Variants in EXOC4 observed in about 807,000 individuals in gnomAD.
The protein encoded by EXOC4 is exocyst complex component 4.
Under a neutral mutation model 107.2 loss-of-function variants are expected in EXOC4, and 71 were observed. The observed-to-expected ratio is 0.66, with a 90% CI of 0.55 to 0.81. EXOC4 has a LOEUF of 0.81. EXOC4 is among the 30% of genes least tolerant of loss of function. EXOC4 has a pLI of 0.00. For synonymous variants in EXOC4, 456 were observed against 441.2 expected (o/e 1.03, Z -0.42); for missense variants, 1,108 against 1,189.6 (o/e 0.93, Z 1.01).
At chr7:133,454,065 A>T (rs1798409294) in intron 7 of EXOC4, among the ~76,000 whole-genome samples, 1 of 152,184 alleles carries the variant, frequency 6.6e-6, no homozygotes, top group African/African-American at 2.4e-5. Flanking sequence ...AAATTCTGTG[A>T]TTCAGATTGC....
intron 10 of EXOC4, among the ~76,000 whole-genome samples, chr7:133,731,358 T>C (rs558945751): frequency 6.6e-6 from 1 of 152,288 alleles, no homozygotes; most frequent in South Asian, 2.1e-4. Flanking sequence ...TTTTATTGCT[T>C]GCTTTCTTTT....
chr7:133,923,279 C>T (rs542048404), intron 13 of EXOC4, among the ~76,000 whole-genome samples: 13 of 152,162 alleles, frequency 8.5e-5, no homozygotes, highest in African/African-American at 3.1e-4. Context: ...CAGGCACCCA[C>T]CACAACGCCT....
chr7:133,277,086 C>T (rs527521835), intron 2 of EXOC4, among the ~76,000 whole-genome samples: 4 of 152,184 alleles, frequency 2.6e-5, no homozygotes, highest in South Asian at 4.1e-4. Flanking sequence ...CTCAGCCTCC[C>T]GAGTAGCTGG....
chr7:133,734,037 G>A (rs955178662), intron 10 of EXOC4, among the ~76,000 whole-genome samples: 1 of 152,194 alleles, frequency 6.6e-6, no homozygotes, highest in Non-Finnish European at 1.5e-5. Flanking sequence ...TTGACATTCT[G>A]TCACTGCTCA....
intron 10 of EXOC4, among the ~76,000 whole-genome samples, chr7:133,809,100 A>G (rs537576494): frequency 7.2e-5 from 11 of 152,302 alleles, no homozygotes; most frequent in African/African-American, 2.4e-4. Context: ...TAACTCATGT[A>G]TCATTCATGC....
chr7:133,686,298 C>A (rs78906798), intron 10 of EXOC4, among the ~76,000 whole-genome samples: 1 of 152,082 alleles, frequency 6.6e-6, no homozygotes. Context: ...GAAAATGGAT[C>A]GAAACATATT....
intron 13 of EXOC4, among the ~76,000 whole-genome samples, chr7:133,933,159 CAGAT>C (rs1204383025): frequency 6.6e-6 from 1 of 151,784 alleles, no homozygotes; most frequent in East Asian, 1.9e-4. Context: ...GAATTCTTGT[CAGAT>C]AGACCTTTTT....
chr7:133,731,907 G>C (rs895265658), intron 10 of EXOC4, among the ~76,000 whole-genome samples: 13 of 152,148 alleles, frequency 8.5e-5, no homozygotes, highest in Admixed American at 6.5e-5. Context: ...CCTAGAACAA[G>C]AAATACCATT....
At chr7:133,649,781 G>A (rs1803094295) in intron 10 of EXOC4, among the ~76,000 whole-genome samples, 1 of 152,138 alleles carries the variant, frequency 6.6e-6, no homozygotes, top group African/African-American at 2.4e-5. Context: ...TGGTTATTTA[G>A]AGGGAGAGGG....
intron 9 of EXOC4, among the ~76,000 whole-genome samples, chr7:133,547,862 T>G (rs374116669): frequency 3.9e-5 from 6 of 152,176 alleles, no homozygotes; most frequent in Non-Finnish European, 7.3e-5. Context: ...TGGAACCAAC[T>G]TCCAAACTCC....
chr7:133,378,585 A>C (rs1796544683), intron 7 of EXOC4, among the ~76,000 whole-genome samples: 1 of 152,162 alleles, frequency 6.6e-6, no homozygotes, highest in Admixed American at 6.6e-5. Flanking sequence ...GGTAAATGAT[A>C]CTATGCTGTT....
chr7:133,503,020 G>GTT (rs1799602810), intron 9 of EXOC4, among the ~76,000 whole-genome samples: 1 of 152,124 alleles, frequency 6.6e-6, no homozygotes, highest in Non-Finnish European at 1.5e-5. Context: ...TATAAATAGT[G>GTT]TAAGACTAGT....
At chr7:133,966,434 C>T (rs1274823583) in intron 14 of EXOC4, among the ~76,000 whole-genome samples, 2 of 152,118 alleles carry the variant, frequency 1.3e-5, no homozygotes, top group African/African-American at 2.4e-5. Flanking sequence ...CCAGCTTTTG[C>T]CTATTCAATA....
At chr7:134,041,526 T>C (rs1421312046) in intron 17 of EXOC4, among the ~76,000 whole-genome samples, 2 of 152,188 alleles carry the variant, frequency 1.3e-5, no homozygotes, top group African/African-American at 4.8e-5. Flanking sequence ...ATTTAATTTT[T>C]TATATAAAAT....
chr7:133,470,047 T>A (rs1277012731), intron 7 of EXOC4, among the ~76,000 whole-genome samples: 1 of 152,116 alleles, frequency 6.6e-6, no homozygotes. Context: ...GCTACCAGAG[T>A]CCACTATGTG....
chr7:133,381,725 A>G (rs1796623142), intron 7 of EXOC4, among the ~76,000 whole-genome samples: 1 of 152,152 alleles, frequency 6.6e-6, no homozygotes, highest in African/African-American at 2.4e-5. Context: ...TGACTTATCT[A>G]GGGATTGATT....
intron 7 of EXOC4, among the ~76,000 whole-genome samples, chr7:133,408,133 G>A (rs1797265926): frequency 6.6e-6 from 1 of 151,974 alleles, no homozygotes; most frequent in Non-Finnish European, 1.5e-5. Flanking sequence ...TGGTGATAAT[G>A]GAGGTGGTGG....
chr7:133,502,737 G>A (rs1442189496), intron 9 of EXOC4, among the ~76,000 whole-genome samples: 1 of 152,108 alleles, frequency 6.6e-6, no homozygotes, highest in Admixed American at 6.6e-5. Flanking sequence ...AGTGTAATTG[G>A]TGCTCCCCAA....
chr7:133,801,115 A>G (rs1341131577), intron 10 of EXOC4, among the ~76,000 whole-genome samples: 1 of 152,170 alleles, frequency 6.6e-6, no homozygotes, highest in African/African-American at 2.4e-5. Flanking sequence ...TGTCACCTCC[A>G]CTGAGGTGCC....
Sources: allele counts gnomAD v4.1 joint callset (sites outside exome capture counted in the v4.1 genomes callset), GRCh38; gene constraint gnomAD v4.1.1; transcripts MANE v1.5; gene names NCBI Gene and HGNC (gene_info 2026-07-23, HGNC 2026-07-21).